The following TMEM181 variants were observed in gnomAD, a reference collection of about 807,000 sequenced individuals.
The protein encoded by TMEM181 is transmembrane protein 181.
TMEM181 carries 39 observed loss-of-function variants against 71.9 expected under a neutral mutation model. The ratio of observed to expected loss-of-function variants is 0.54; its 90% confidence interval spans 0.42 to 0.71. The LOEUF (loss-of-function observed/expected upper bound fraction) is 0.71, where lower values mean the gene tolerates loss of function less well. TMEM181 is among the 30% of genes least tolerant of loss of function. TMEM181 has a pLI of 0.00. For missense variants in TMEM181, 595 were observed against 583.0 expected, an observed-to-expected ratio of 1.02 and a Z score of -0.21; for synonymous variants, 245 against 228.8, an observed-to-expected ratio of 1.07 and a Z score of -0.64.
At chr6:158,629,932 G>T in intron 15 of TMEM181, 113 bp downstream of exon 15, 1 of 878,056 alleles carries the variant, frequency 1.1e-6, no homozygotes. Context: ...GATTCCCAGT[G>T]ACTTCTCTTG....
intron 3 of TMEM181, 50 bp from the exon 4 acceptor site, chr6:158,583,904 G>A (rs1372104272): frequency 7.8e-6 from 11 of 1,402,396 alleles, no homozygotes; most frequent in Non-Finnish European, 9.9e-7. Context: ...GAGGTATTTG[G>A]TAGACTCAAT....
In TMEM181 at chr6:158,589,652, A is replaced by G; in HGVS notation, c.382-20A>G. On this transcript the variant is annotated intron_variant, in intron 5 of 16. Coordinates refer to ENST00000684151, the MANE Select transcript of TMEM181 (RefSeq NM_001376852.1). The stretch of plus-strand genomic sequence containing the variant: ...TGAGTCTCGCTTTCTTTAAAGGCAA[A>G]TCTTTCTGTGTATTTGCAGAAATGT... The G allele has an allele frequency of 6.2e-7, 1 of 1,601,392 alleles. No homozygotes were observed. Among genetic ancestry groups the G allele is most frequent in the East Asian group, 2.2e-5 (1 of 44,806 alleles).
rs377602169 is a variant in TMEM181 at position 158,587,895 on chromosome 6, G to A, written c.382-1777G>A. Among the ~76,000 whole-genome samples the A allele has an allele frequency of 8.5e-5, 13 of 152,168 alleles. No individual in the cohort carries two copies. In the East Asian group the frequency reaches 1.2e-3, roughly 14 times the overall value. On this transcript the variant is annotated intron_variant, in intron 5 of 16. Transcript: ENST00000684151. ...AAAAGTGAGACAAATTCTTAAACTC[G>A]CAAGAGATGTTTGTCTACCCAGCAA...
At chr6:158,609,022 T>C (rs1785131804) in intron 10 of TMEM181, among the ~76,000 whole-genome samples, 1 of 151,038 alleles carries the variant, frequency 6.6e-6, no homozygotes. Context: ...CGCTTGAGCC[T>C]GCGAGGCACA....
At chr6:158,538,454 C>CTTTT (rs111437459) in intron 1 of TMEM181, among the ~76,000 whole-genome samples, 1,904 of 143,930 alleles carry the variant, frequency 0.013, 46 homozygotes, top group African/African-American at 0.045. Context: ...CATGCCTGGC[C>CTTTT]TTTTTTTTTT....
intron 1 of TMEM181, among the ~76,000 whole-genome samples, chr6:158,570,370 C>A (rs1782735103): frequency 1.3e-5 from 2 of 151,354 alleles, no homozygotes; most frequent in Non-Finnish European, 2.9e-5. Context: ...GTAGCTGGGA[C>A]TACAGGTGCC....
At chr6:158,550,246 T>C (rs148319848) in intron 1 of TMEM181, among the ~76,000 whole-genome samples, 18 of 151,968 alleles carry the variant, frequency 1.2e-4, no homozygotes, top group African/African-American at 4.1e-4. Context: ...GGTTTCACCA[T>C]GTTGGTCAGG....
intron 1 of TMEM181, among the ~76,000 whole-genome samples, chr6:158,552,721 C>T (rs1031651646): frequency 6.6e-6 from 1 of 152,198 alleles, no homozygotes; most frequent in African/African-American, 2.4e-5. Context: ...TTATGTGTGA[C>T]CTGCCAGTCA....
At chr6:158,574,543 C>G (rs1300459168) in intron 2 of TMEM181, among the ~76,000 whole-genome samples, 1 of 152,156 alleles carries the variant, frequency 6.6e-6, no homozygotes, top group Non-Finnish European at 1.5e-5. Context: ...TATTTTAAGC[C>G]ACTCTTCTGT....
chr6:158,592,776 T>A (rs1364238103), intron 6 of TMEM181, among the ~76,000 whole-genome samples: 2 of 152,102 alleles, frequency 1.3e-5, no homozygotes, highest in Non-Finnish European at 2.9e-5. Context: ...AACTTAGCCA[T>A]GCATGGTGGT....
chr6:158,543,932 A>G (rs1781438423), intron 1 of TMEM181, among the ~76,000 whole-genome samples: 1 of 152,172 alleles, frequency 6.6e-6, no homozygotes, highest in African/African-American at 2.4e-5. Flanking sequence ...GTAGCAGCCG[A>G]ATGCTTGATG....
intron 10 of TMEM181, among the ~76,000 whole-genome samples, chr6:158,619,710 A>T (rs1359114171): frequency 1.3e-5 from 2 of 152,126 alleles, no homozygotes; most frequent in African/African-American, 4.8e-5. Context: ...CTGTACTAAA[A>T]TACAAAAAAT....
chr6:158,568,392 A>G (rs1782633508), intron 1 of TMEM181, among the ~76,000 whole-genome samples: 1 of 151,930 alleles, frequency 6.6e-6, no homozygotes, highest in Non-Finnish European at 1.5e-5. Flanking sequence ...ACGGAGAGAG[A>G]AGCAGCAGGA....
At chr6:158,590,233 G>T (rs879657943) in intron 6 of TMEM181, among the ~76,000 whole-genome samples, 4 of 152,076 alleles carry the variant, frequency 2.6e-5, no homozygotes, top group Admixed American at 6.5e-5. Flanking sequence ...GAGGAGTGGG[G>T]GTTTAGACTG....
chr6:158,557,290 T>C (rs1781929730), upstream of TMEM181, among the ~76,000 whole-genome samples: 1 of 151,960 alleles, frequency 6.6e-6, no homozygotes, highest in Non-Finnish European at 1.5e-5. Context: ...CGGAGGATCT[T>C]TTGAGTGGGA....
At chr6:158,556,151 G>C (rs1318523349), upstream of TMEM181, among the ~76,000 whole-genome samples, 3 of 152,168 alleles carry the variant, frequency 2.0e-5, no homozygotes, top group Admixed American at 1.3e-4. Context: ...ATCCCAGTAG[G>C]GATGTAAGGC....
intron 10 of TMEM181, among the ~76,000 whole-genome samples, chr6:158,622,688 G>A (rs890377449): frequency 6.6e-6 from 1 of 152,318 alleles, no homozygotes; most frequent in Admixed American, 6.5e-5. Context: ...GGTAAGTAGG[G>A]ACAGCTGTAT....
chr6:158,582,842 C>T (rs1471781377), intron 3 of TMEM181, among the ~76,000 whole-genome samples: 1 of 152,142 alleles, frequency 6.6e-6, no homozygotes, highest in African/African-American at 2.4e-5. Context: ...GCAACATCAT[C>T]ACCTCTAATT....
At chr6:158,606,243 GCGC>G (rs879437227) in intron 7 of TMEM181, among the ~76,000 whole-genome samples, 84 of 151,322 alleles carry the variant, frequency 5.6e-4, no homozygotes, top group East Asian at 7.8e-4. Context: ...AAGGGCGTGG[GCGC>G]TAGAGCCACA....
Sources: gnomAD v4.1 joint callset for allele counts (sites outside exome capture counted in the v4.1 genomes callset) on GRCh38, gnomAD v4.1.1 for gene constraint, MANE v1.5 for transcripts, NCBI Gene and HGNC (gene_info 2026-07-23, HGNC 2026-07-21) for gene names.